Variants in WWP1 observed in about 807,000 individuals in gnomAD.
WWP1 encodes the protein NEDD4-like E3 ubiquitin-protein ligase WWP1.
Under a neutral mutation model 130.6 loss-of-function variants are expected in WWP1, and 49 were observed. That is an observed-to-expected ratio of 0.38 (90% CI 0.30 to 0.48). The LOEUF is 0.48. WWP1 is among the 20% of genes least tolerant of loss of function. The pLI, the probability that WWP1 is intolerant of heterozygous loss-of-function variation, is 0.99. For synonymous variants in WWP1, 332 were observed against 367.8 expected (o/e 0.90, Z 1.11); for missense variants, 809 against 1,100.6 (o/e 0.74, Z 3.75).
At chr8:86,446,515 T>TGCAGTTCTTTTGA (rs35815785) in intron 18 of WWP1, among the ~76,000 whole-genome samples, 5 of 151,550 alleles carry the variant, frequency 3.3e-5, no homozygotes, top group African/African-American at 7.3e-5. Flanking sequence ...TTGTTTTTGT[T>TGCAGTTCTTTTGA]GGACTTAGCC....
chr8:86,376,452 C>T (rs556074581), intron 3 of WWP1, among the ~76,000 whole-genome samples: 7 of 152,178 alleles, frequency 4.6e-5, no homozygotes, highest in African/African-American at 1.4e-4. Flanking sequence ...GCCTGTAATC[C>T]CAGCTACTTG....
intron 9 of WWP1, among the ~76,000 whole-genome samples, chr8:86,414,096 T>C (rs1380855509): frequency 6.6e-6 from 1 of 152,182 alleles, no homozygotes; most frequent in African/African-American, 2.4e-5. Context: ...AATTGTAGAG[T>C]GCAACCCGTT....
In WWP1 at chr8:86,435,654, G is replaced by A. The variant is rs202218609; in HGVS notation, c.1699G>A (p.Val567Ile). Reference sequence around the variant, plus strand: ...TTAGTCTAATGCACTACCTAGTCATGTAAAGATCAATGTGTCCCGGCAGAC... The same window carrying A: ...TTAGTCTAATGCACTACCTAGTCATATAAAGATCAATGTGTCCCGGCAGAC... ...LCQSNALPSH[V>I]KINVSRQTLF... Residue 567 changes from valine to isoleucine, a missense_variant, in exon 16 of 25, where the codon GTA becomes ATA. Physicochemically the swap from Val to Ile is conservative, Grantham distance 29 (BLOSUM62 3). Around this residue, in one of 3 missense-constraint regions of WWP1, gnomAD observed 450 missense variants for 674.2 expected, o/e 0.67. Transcript: ENST00000517970. The A allele has an allele frequency of 5.5e-5, 88 of 1,613,084 alleles. No homozygotes were observed. The highest frequency in any genetic ancestry group is 7.4e-5 in the Non-Finnish European group (87 of 1,179,880).
intron 20 of WWP1, among the ~76,000 whole-genome samples, chr8:86,451,134 G>T (rs1221356897): frequency 6.9e-6 from 1 of 144,508 alleles, no homozygotes; most frequent in East Asian, 2.1e-4. Flanking sequence ...CCACTATGGA[G>T]ACTGAGGTGG....
At chr8:86,463,996 G>A (rs1212087585) in intron 24 of WWP1, among the ~76,000 whole-genome samples, 1 of 152,090 alleles carries the variant, frequency 6.6e-6, no homozygotes, top group Non-Finnish European at 1.5e-5. Flanking sequence ...GGGAAGTCAA[G>A]GCTGCAGTGA....
At chr8:86,420,025 T>G (rs1247229418) in intron 9 of WWP1, among the ~76,000 whole-genome samples, 1 of 152,220 alleles carries the variant, frequency 6.6e-6, no homozygotes, top group East Asian at 1.9e-4. Flanking sequence ...TCTATGCATA[T>G]CCTAGGTTTC....
In WWP1 at chr8:86,402,071, C is replaced by G. The variant is rs947926153; in HGVS notation, c.592C>G (p.Leu198Val). The change falls in exon 8 of 25, where the codon CTA (leucine) becomes GTA (valine). Residue 198 changes from leucine to valine, a missense_variant. Physicochemically the swap from Leu to Val is conservative, Grantham distance 32. Around this residue, in one of 3 missense-constraint regions of WWP1, gnomAD observed 262 missense variants for 346.0 expected, o/e 0.76. Coordinates refer to ENST00000517970, the MANE Select transcript of WWP1 (RefSeq NM_007013.4). ...GIDNHVPTST[L>V]VQNSCCSYVV... ...AGATAATCATGTACCTACAAGCACTCTAGTCCAAAACTCATGCTGCTCGTA... is the reference window on the plus strand; with the variant it reads ...AGATAATCATGTACCTACAAGCACTGTAGTCCAAAACTCATGCTGCTCGTA... 6.2e-7 allele frequency: 1 copy of G among 1,613,548 alleles called. No individual in the cohort carries two copies. Among genetic ancestry groups the G allele is most frequent in the African/African-American group, 1.3e-5 (1 of 74,828 alleles).
chr8:86,427,907 A>G (rs1362260314), intron 11 of WWP1, 90 bp downstream of exon 11: 4 of 1,311,708 alleles, frequency 3.0e-6, no homozygotes, highest in Admixed American at 5.3e-5. Flanking sequence ...CCATAATCAC[A>G]TATCTATTTT....
intron 5 of WWP1, among the ~76,000 whole-genome samples, chr8:86,383,799 C>T (rs145053082): frequency 3.3e-5 from 5 of 152,210 alleles, no homozygotes; most frequent in Admixed American, 2.0e-4. Context: ...GAGTAGGATA[C>T]GGATATGCTC....
intron 9 of WWP1, among the ~76,000 whole-genome samples, chr8:86,419,172 C>T (rs1809056901): frequency 6.6e-6 from 1 of 152,194 alleles, no homozygotes; most frequent in Admixed American, 6.5e-5. Context: ...GTAATCCCAG[C>T]ACTTTGGGAG....
intron 12 of WWP1, among the ~76,000 whole-genome samples, chr8:86,430,962 A>C (rs965161195): frequency 7.1e-6 from 1 of 140,266 alleles, no homozygotes; most frequent in African/African-American, 2.6e-5. Context: ...AATGTTATAT[A>C]TTCTGTATAC....
chr8:86,394,933 TAAAAA>T (rs10694206), intron 5 of WWP1, among the ~76,000 whole-genome samples: 6 of 76,440 alleles, frequency 7.8e-5, no homozygotes, highest in African/African-American at 2.6e-4. Flanking sequence ...CTGTTCTTCT[TAAAAA>T]AAAAAAAAAA....
At chr8:86,354,128 C>G (rs1053331651) in intron 1 of WWP1, among the ~76,000 whole-genome samples, 1 of 152,170 alleles carries the variant, frequency 6.6e-6, no homozygotes, top group African/African-American at 2.4e-5. Context: ...AGATTAAGCC[C>G]TAGTTTTATC....
chr8:86,377,252 A>AT (rs35139758), intron 3 of WWP1, among the ~76,000 whole-genome samples: 427 of 138,878 alleles, frequency 3.1e-3, no homozygotes, highest in Middle Eastern at 7.3e-3. Context: ...TTCCTGTCTA[A>AT]TTTTTTTTTT....
intron 5 of WWP1, chr8:86,386,978 A>G (rs1825321630): frequency 6.6e-6 from 1 of 152,170 alleles, no homozygotes; most frequent in Non-Finnish European, 1.5e-5. Flanking sequence ...AGGGACAGAA[A>G]AGGGCACACC....
intron 5 of WWP1, among the ~76,000 whole-genome samples, chr8:86,396,884 C>T (rs1563495214): frequency 1.3e-5 from 2 of 152,162 alleles, no homozygotes; most frequent in East Asian, 3.8e-4. Flanking sequence ...GAGGCGTGAG[C>T]CACCGTGTCT....
chr8:86,425,572 AT>A (rs1030815921), intron 10 of WWP1, among the ~76,000 whole-genome samples: 9 of 152,040 alleles, frequency 5.9e-5, no homozygotes, highest in Non-Finnish European at 1.0e-4. Context: ...CTTCTTTGTA[AT>A]TTTTTTAAGG....
At chr8:86,400,962 C>A (rs1277190450) in intron 7 of WWP1, among the ~76,000 whole-genome samples, 1 of 151,246 alleles carries the variant, frequency 6.6e-6, no homozygotes, top group Non-Finnish European at 1.5e-5. Context: ...TTTGGAAAAG[C>A]TCTCCTGGTC....
chr8:86,382,004 C>A (rs1419547918), intron 5 of WWP1, among the ~76,000 whole-genome samples: 5 of 151,916 alleles, frequency 3.3e-5, no homozygotes, highest in African/African-American at 1.2e-4. Flanking sequence ...CTTAAGTTTT[C>A]TTTTATTATT....
Sources: gnomAD v4.1 joint callset for allele counts (sites outside exome capture counted in the v4.1 genomes callset) on GRCh38, gnomAD v4.1.1 for gene constraint, gnomAD v4.1.1 regional missense constraint, MANE v1.5 for transcripts, NCBI Gene and HGNC (gene_info 2026-07-23, HGNC 2026-07-21) for gene names.